Variants in NRXN1 observed in about 807,000 individuals in gnomAD.
The protein encoded by NRXN1 is neurexin-1.
A neutral mutation model predicts 150.9 loss-of-function variants in NRXN1; 39 were observed. The ratio of observed to expected loss-of-function variants is 0.26; its 90% CI spans 0.20 to 0.34. NRXN1 has a LOEUF of 0.34. NRXN1 is among the 10% of genes least tolerant of loss of function. NRXN1 has a pLI of 1.00. For missense variants in NRXN1, 1,815 were observed against 1,949.9 expected, an observed-to-expected ratio of 0.93 and a Z score of 1.30; for synonymous variants, 924 against 757.0, an observed-to-expected ratio of 1.22 and a Z score of -3.62.
In NRXN1 at chr2:50,982,976, TA is replaced by T. The variant is rs1454466428; in HGVS notation, c.772+44525del. On this transcript the variant is annotated intron_variant, in intron 2 of 22. Coordinates refer to ENST00000401669, the MANE Select transcript of NRXN1 (RefSeq NM_001330078.2). ...TTCACTTATTTATTCATTTATTCAT[TA>T]TTTCTACTTAAAAATAAAAAATGTG... Among the ~76,000 whole-genome samples the T allele has an allele frequency of 4.6e-5, 7 of 152,220 alleles. No homozygotes were observed. In the East Asian group the frequency reaches 1.4e-3, roughly 29 times the overall value.
chr2:50,884,623 G>A (rs1054269598), intron 5 of NRXN1, among the ~76,000 whole-genome samples: 2 of 151,462 alleles, frequency 1.3e-5, no homozygotes, highest in African/African-American at 2.4e-5. Context: ...TGTTTTCCGA[G>A]AGCACATTAT....
intron 5 of NRXN1, among the ~76,000 whole-genome samples, chr2:50,778,530 G>A (rs1490371485): frequency 6.6e-6 from 1 of 152,170 alleles, no homozygotes; most frequent in Non-Finnish European, 1.5e-5. Context: ...ACAAGAGGTA[G>A]TAAGAAGGCC....
intron 5 of NRXN1, among the ~76,000 whole-genome samples, chr2:50,736,627 A>T (rs909594076): frequency 3.3e-5 from 5 of 152,134 alleles, no homozygotes; most frequent in African/African-American, 4.8e-5. Context: ...TGGTTTTATA[A>T]GGGGAGAAAC....
chr2:50,429,894 T>C (rs1163977960), intron 17 of NRXN1, among the ~76,000 whole-genome samples: 4 of 152,162 alleles, frequency 2.6e-5, no homozygotes, highest in Non-Finnish European at 5.9e-5. Context: ...ACCTGCTGCA[T>C]TTGCTATCAC....
intron 18 of NRXN1, among the ~76,000 whole-genome samples, chr2:50,109,951 T>C (rs180757942): frequency 4.6e-5 from 7 of 152,202 alleles, no homozygotes; most frequent in Non-Finnish European, 7.3e-5. Flanking sequence ...TGTGATTATA[T>C]TGACAATGGT....
At chr2:51,015,594 CT>C (rs1668538918) in intron 2 of NRXN1, among the ~76,000 whole-genome samples, 1 of 151,686 alleles carries the variant, frequency 6.6e-6, no homozygotes, top group African/African-American at 2.4e-5. Flanking sequence ...CTACCTATGT[CT>C]GTACTTTTAT....
chr2:49,963,603 T>C (rs1676390798), intron 21 of NRXN1, among the ~76,000 whole-genome samples: 1 of 152,206 alleles, frequency 6.6e-6, no homozygotes, highest in South Asian at 2.1e-4. Context: ...GAAAGGGGCT[T>C]AAAAGAAGCA....
intron 18 of NRXN1, among the ~76,000 whole-genome samples, chr2:50,169,648 G>C (rs909678478): frequency 4.0e-5 from 6 of 150,620 alleles, no homozygotes; most frequent in Admixed American, 1.3e-4. Context: ...AGGAGCGGAG[G>C]TTGCAGTGAG....
chr2:50,054,544 CAA>C (rs760602721), intron 20 of NRXN1, among the ~76,000 whole-genome samples: 12 of 152,066 alleles, frequency 7.9e-5, no homozygotes, highest in Non-Finnish European at 1.5e-4. Flanking sequence ...AGAGTTTAAA[CAA>C]AGAGTTTTTG....
At chr2:50,508,056 C>T (rs2092314234) in intron 12 of NRXN1, among the ~76,000 whole-genome samples, 1 of 152,082 alleles carries the variant, frequency 6.6e-6, no homozygotes, top group Admixed American at 6.6e-5. Flanking sequence ...AAATAAACCT[C>T]AGTTTTCCAT....
chr2:50,565,153 C>T (rs1369716936), intron 8 of NRXN1, among the ~76,000 whole-genome samples: 5 of 151,966 alleles, frequency 3.3e-5, no homozygotes, highest in Non-Finnish European at 7.4e-5. Flanking sequence ...GCTCAGGTAG[C>T]TCAAGAATGG....
At chr2:50,366,848 G>T (rs1212478498) in intron 17 of NRXN1, among the ~76,000 whole-genome samples, 2 of 151,954 alleles carry the variant, frequency 1.3e-5, no homozygotes, top group Admixed American at 1.3e-4. Context: ...TCTCCCTGCA[G>T]GAGTTATACC....
At chr2:49,980,923 C>A (rs545055675) in intron 21 of NRXN1, among the ~76,000 whole-genome samples, 5 of 152,054 alleles carry the variant, frequency 3.3e-5, no homozygotes, top group Admixed American at 6.6e-5. Context: ...AATAAATCTT[C>A]CCAGAGAAAA....
At chr2:50,132,014 G>A (rs1705582033) in intron 18 of NRXN1, among the ~76,000 whole-genome samples, 1 of 152,154 alleles carries the variant, frequency 6.6e-6, no homozygotes, top group Non-Finnish European at 1.5e-5. Flanking sequence ...TACACACTGT[G>A]ATGCAGAATT....
chr2:50,907,147 A>C (rs577413458), intron 5 of NRXN1, among the ~76,000 whole-genome samples: 46 of 152,028 alleles, frequency 3.0e-4, no homozygotes, highest in African/African-American at 9.4e-4. Flanking sequence ...TGGAGGGAAA[A>C]ATGCTACAAA....
At chr2:50,105,460 C>T (rs10176034) in intron 18 of NRXN1, among the ~76,000 whole-genome samples, 49,826 of 151,740 alleles carry the variant, frequency 0.33, 8,581 homozygotes, top group Non-Finnish European at 0.37. Context: ...CTCTACCCAA[C>T]CCCTTCCCAC....
intron 5 of NRXN1, among the ~76,000 whole-genome samples, chr2:50,694,425 A>G (rs559634379): frequency 6.6e-6 from 1 of 152,316 alleles, no homozygotes; most frequent in South Asian, 2.1e-4. Context: ...TAAGCTGTAT[A>G]CTATAAAAAA....
chr2:50,815,718 T>A (rs180823205), intron 5 of NRXN1, among the ~76,000 whole-genome samples: 1 of 152,242 alleles, frequency 6.6e-6, no homozygotes, highest in Admixed American at 6.5e-5. Context: ...AGAGTGAATA[T>A]CCATGAAACA....
Position 49,975,010 on chromosome 2 carries a change from C to G in NRXN1, c.4129-31219G>C, listed in dbSNP as rs576324820. 4.0e-5 allele frequency among the ~76,000 whole-genome samples: 6 copies of G among 151,516 alleles called. No individual in the cohort carries two copies. The South Asian group carries it at 1.2e-3, about 32-fold the overall frequency. On this transcript the variant is annotated intron_variant, in intron 21 of 22. Transcript: ENST00000401669. ...TGGAATACCATATGGAACTATATCC[C>G]CAAATACATCTGTTTCCAGTGATCA...
Sources: allele counts gnomAD v4.1 joint callset (sites outside exome capture counted in the v4.1 genomes callset), GRCh38; gene constraint gnomAD v4.1.1; transcripts MANE v1.5; gene names NCBI Gene and HGNC (gene_info 2026-07-23, HGNC 2026-07-21).